Variants in PPP2CA observed in about 807,000 individuals in gnomAD.
PPP2CA encodes protein phosphatase 2 catalytic subunit alpha.
Under a neutral mutation model 38.8 loss-of-function variants are expected in PPP2CA, and 5 were observed. That is an observed-to-expected ratio of 0.13 (90% CI 0.07 to 0.27). The LOEUF (loss-of-function observed/expected upper bound fraction) is 0.27, where lower values mean the gene tolerates loss of function less well. PPP2CA is among the 10% of genes least tolerant of loss of function. The pLI is 1.00. For missense variants in PPP2CA, 88 were observed against 389.7 expected (o/e 0.23, Z 6.52); for synonymous variants, 152 against 134.0 (o/e 1.13, Z -0.93).
intron 1 of PPP2CA, among the ~76,000 whole-genome samples, chr5:134,221,348 C>G (rs4993441): frequency 0.77 from 116,775 of 152,134 alleles, 45,274 homozygotes; most frequent in Non-Finnish European, 0.82. Context: ...CTCCTGACCT[C>G]GTGATCCGCC....
In PPP2CA at chr5:134,197,682, T is replaced by C. The variant is rs186644353; in HGVS notation, c.*90A>G. ...AACAAGTTTTTTGAATGTTAACTAT[T>C]TTCTGACACTTTGGAGTTACTGTTG... is the stretch of plus-strand genomic sequence containing the variant. On this transcript the variant is annotated 3_prime_UTR_variant, in exon 7 of 7. Coordinates refer to ENST00000481195, the MANE Select transcript of PPP2CA (RefSeq NM_002715.4). The C allele has an allele frequency of 4.0e-4, 425 of 1,057,126 alleles. 2 individuals are homozygous for C. The highest frequency in any genetic ancestry group is 4.0e-5 in the Non-Finnish European group (28 of 695,308). 65.5% of individuals were successfully genotyped at this position (1,057,126 alleles called of 1,614,324 possible). A position where few individuals can be genotyped will look rare whatever the true frequency, so the allele number is the denominator to read the frequency against.
In PPP2CA at chr5:134,204,656, T is replaced by A. The variant is rs1032006527; in HGVS notation, c.312+1266A>T. ...TTTTAACTTTTTGTAGAGATGGGGT[T>A]TATGTTGACTACGCTGTTCTTAAAC... On this transcript the variant is annotated intron_variant, in intron 2 of 6. Transcript: ENST00000481195. 2.6e-5 allele frequency among the ~76,000 whole-genome samples: 4 copies of A among 151,924 alleles called. No homozygotes were observed. The East Asian group carries it at 7.8e-4, about 29-fold the overall frequency.
intron 1 of PPP2CA, among the ~76,000 whole-genome samples, chr5:134,219,563 C>A (rs895185107): frequency 6.6e-6 from 1 of 152,198 alleles, no homozygotes; most frequent in Admixed American, 6.5e-5. Context: ...AGTGGCAACA[C>A]AGGGTGCAAG....
intron 1 of PPP2CA, among the ~76,000 whole-genome samples, chr5:134,209,156 GA>G (rs1330584862): frequency 2.0e-5 from 3 of 152,052 alleles, no homozygotes; most frequent in Admixed American, 2.0e-4. Context: ...TGTCAATCTA[GA>G]AAAGCCAACC....
In PPP2CA at chr5:134,202,931, T is replaced by C. The variant is rs1282412263; in HGVS notation, c.313-910A>G. Among the ~76,000 whole-genome samples, 3 of 152,220 alleles carry C rather than the reference T, an allele frequency of 2.0e-5. No homozygotes were observed. In the East Asian group the frequency reaches 5.8e-4, roughly 29 times the overall value. ...TACAGCCATTCTAATAGATGTGAAG[T>C]AGTAACTCAGTTACTTTAATTTGCA... On this transcript the variant is annotated intron_variant, in intron 2 of 6. Transcript: ENST00000481195.
chr5:134,213,808 A>C (rs1762260023), intron 1 of PPP2CA, among the ~76,000 whole-genome samples: 1 of 152,182 alleles, frequency 6.6e-6, no homozygotes, highest in Non-Finnish European at 1.5e-5. Context: ...AAATGATTAC[A>C]ACCATGTCAC....
intron 1 of PPP2CA, 30 bp downstream of exon 1, chr5:134,225,730 G>A (rs375903033): frequency 1.5e-5 from 24 of 1,581,838 alleles, no homozygotes; most frequent in Non-Finnish European, 2.0e-5. Context: ...CGGCCCCGCG[G>A]CGGCTGTCCG....
intron 1 of PPP2CA, 130 bp downstream of exon 1, chr5:134,225,630 T>C: frequency 1.4e-6 from 1 of 704,622 alleles, no homozygotes; most frequent in East Asian, 3.4e-5. Context: ...CCGGCCAGGA[T>C]GGGCGCCGGT....
intron 5 of PPP2CA, chr5:134,199,439 T>TAA (rs11372222): frequency 0.03 from 7,530 of 249,676 alleles, 170 homozygotes; most frequent in African/African-American, 0.082. Context: ...TTTAGTACTT[T>TAA]AAAAAAAAAA....
intron 1 of PPP2CA, among the ~76,000 whole-genome samples, chr5:134,208,080 AG>A (rs1388720330): frequency 6.6e-6 from 1 of 152,218 alleles, no homozygotes; most frequent in African/African-American, 2.4e-5. Context: ...TACACTGAGA[AG>A]AAACTTGCAA....
rs947561987 is a variant in PPP2CA at position 134,195,563 on chromosome 5, C to T, written c.*2209G>A. 6.6e-6 allele frequency: 1 copy of T among 152,162 alleles called. No individual in the cohort carries two copies. Among genetic ancestry groups the T allele is most frequent in the African/African-American group, 2.4e-5 (1 of 41,432 alleles). 9.4% of individuals were successfully genotyped at this position (152,162 alleles called of 1,614,324 possible). A position where few individuals can be genotyped will look rare whatever the true frequency, so the allele number is the denominator to read the frequency against. Reference sequence around the variant, plus strand: ...GTGCCAGGCCTGTTCTTAGGGAAAGCTTTTTAGGTTTATTAATGAAAATCC... The same window carrying T: ...GTGCCAGGCCTGTTCTTAGGGAAAGTTTTTTAGGTTTATTAATGAAAATCC... On this transcript the variant is annotated 3_prime_UTR_variant, in exon 7 of 7. Coordinates refer to ENST00000481195, the MANE Select transcript of PPP2CA (RefSeq NM_002715.4).
intron 1 of PPP2CA, among the ~76,000 whole-genome samples, chr5:134,219,474 T>C (rs1390206969): frequency 2.0e-5 from 3 of 152,180 alleles, no homozygotes. Context: ...GGACAAAGGT[T>C]TGCAACCTTC....
intron 2 of PPP2CA, among the ~76,000 whole-genome samples, chr5:134,205,373 A>C (rs900823139): frequency 1.5e-5 from 2 of 136,208 alleles, no homozygotes; most frequent in Admixed American, 7.6e-5. Context: ...CCAGCCCTCT[A>C]ACATTTTTCT....
chr5:134,219,702 A>C (rs919572388), intron 1 of PPP2CA, among the ~76,000 whole-genome samples: 3 of 152,118 alleles, frequency 2.0e-5, no homozygotes, highest in African/African-American at 2.4e-5. Flanking sequence ...AGGCAATAAT[A>C]CTGCAATGTG....
chr5:134,223,140 A>T lies in PPP2CA; in HGVS notation c.102+2620T>A, dbSNP rs1015863317. Among the ~76,000 whole-genome samples the T allele has an allele frequency of 2.0e-5, 3 of 152,202 alleles. No individual in the cohort carries two copies. The South Asian group carries it at 6.2e-4, about 31-fold the overall frequency. On this transcript the variant is annotated intron_variant, in intron 1 of 6. Coordinates refer to ENST00000481195, the MANE Select transcript of PPP2CA (RefSeq NM_002715.4). The stretch of plus-strand genomic sequence containing the variant: ...ACATTATCATTCCTTCTTATGATTG[A>T]AGAAATTATCAACTATTAACAAGTA...
At chr5:134,217,681 T>C (rs1373761530) in intron 1 of PPP2CA, among the ~76,000 whole-genome samples, 1 of 152,222 alleles carries the variant, frequency 6.6e-6, no homozygotes, top group African/African-American at 2.4e-5. Context: ...GGGTGATACA[T>C]GATGTAGAAC....
At chr5:134,208,722 A>C (rs1762137769) in intron 1 of PPP2CA, among the ~76,000 whole-genome samples, 1 of 152,202 alleles carries the variant, frequency 6.6e-6, no homozygotes, top group African/African-American at 2.4e-5. Context: ...CATTAAGTCG[A>C]AAAATTGGGG....
intron 1 of PPP2CA, among the ~76,000 whole-genome samples, chr5:134,216,741 T>G (rs963747606): frequency 1.3e-5 from 2 of 152,132 alleles, no homozygotes; most frequent in South Asian, 2.1e-4. Context: ...TAGTCTCGAG[T>G]GAGCTTCCAG....
At chr5:134,201,784 C>T in intron 3 of PPP2CA, 64 bp downstream of exon 3, 1 of 1,522,104 alleles carries the variant, frequency 6.6e-7, no homozygotes, top group South Asian at 1.2e-5. Flanking sequence ...GAGTCATAAG[C>T]ACCTGAACAC....
Sources: gnomAD v4.1 joint callset for allele counts (sites outside exome capture counted in the v4.1 genomes callset) on GRCh38, gnomAD v4.1.1 for gene constraint, MANE v1.5 for transcripts, NCBI Gene and HGNC (gene_info 2026-07-23, HGNC 2026-07-21) for gene names.